The following GTF2IRD1 variants were observed in gnomAD, a reference collection of about 807,000 sequenced individuals.
The protein encoded by GTF2IRD1 is general transcription factor II-I repeat domain-containing protein 1.
GTF2IRD1 carries 26 observed loss-of-function variants against 113.2 expected under a neutral mutation model. That is an observed-to-expected ratio of 0.23 (90% confidence interval 0.17 to 0.32). The LOEUF is 0.32. Ranked by LOEUF, GTF2IRD1 falls within the 10% of genes least tolerant of loss-of-function variation. The pLI is 1.00. For missense variants in GTF2IRD1, 864 were observed against 1,280.8 expected (o/e 0.67, Z 4.97); for synonymous variants, 484 against 529.1 (o/e 0.91, Z 1.17).
intron 22 of GTF2IRD1, among the ~76,000 whole-genome samples, chr7:74,565,162 C>T (rs1554360310): frequency 1.3e-5 from 2 of 152,180 alleles, no homozygotes; most frequent in Non-Finnish European, 2.9e-5. Flanking sequence ...GGCTGAACGC[C>T]ATTGGTAGCT....
intron 24 of GTF2IRD1, among the ~76,000 whole-genome samples, chr7:74,593,444 A>C (rs1436457039): frequency 2.7e-5 from 4 of 149,698 alleles, no homozygotes; most frequent in Non-Finnish European, 5.9e-5. Context: ...AAAAAGATAC[A>C]AAAATTGGGC....
At chr7:74,571,907 C>T (rs1440304331) in intron 22 of GTF2IRD1, among the ~76,000 whole-genome samples, 1 of 152,108 alleles carries the variant, frequency 6.6e-6, no homozygotes, top group Non-Finnish European at 1.5e-5. Context: ...TCCACTTACA[C>T]TCACCTCTCA....
intron 1 of GTF2IRD1, among the ~76,000 whole-genome samples, chr7:74,465,756 G>C (rs999645935): frequency 6.6e-6 from 1 of 151,964 alleles, no homozygotes; most frequent in Non-Finnish European, 1.5e-5. Flanking sequence ...GGGGTGTGGG[G>C]TGTGGCATGC....
chr7:74,600,475 G>A (rs1195080253), intron 25 of GTF2IRD1, among the ~76,000 whole-genome samples: 3 of 152,064 alleles, frequency 2.0e-5, no homozygotes, highest in African/African-American at 7.2e-5. Flanking sequence ...TTGGGAGGCC[G>A]AGGTGGATGG....
chr7:74,557,714 A>G lies in GTF2IRD1; in HGVS notation c.2099A>G (p.Lys700Arg), dbSNP rs782026215. ...GAGCAGGTCCAGGACCTTTTCAATA[A>G]GAAATACGGTAAGCAGTGCAGAACC... ...LREQVQDLFNKKYGEALGIKY... is the reference protein window; with the variant it reads ...LREQVQDLFNRKYGEALGIKY... Residue 700 changes from lysine (K) to arginine (R), a missense_variant, in exon 20 of 27, where the codon AAG becomes AGG. Lys to Arg is a conservative substitution (Grantham distance 26). This residue lies in a region of GTF2IRD1 where 195 missense variants were observed against 359.1 expected (regional missense o/e 0.54). Coordinates refer to ENST00000424337, the MANE Select transcript of GTF2IRD1 (RefSeq NM_005685.4). The G allele has an allele frequency of 3.7e-6, 6 of 1,605,028 alleles. No individual in the cohort carries two copies. The East Asian group carries it at 1.1e-4, about 30-fold the overall frequency.
intron 9 of GTF2IRD1, among the ~76,000 whole-genome samples, chr7:74,533,831 C>A (rs1554349535): frequency 6.6e-6 from 1 of 151,982 alleles, no homozygotes; most frequent in African/African-American, 2.4e-5. Flanking sequence ...GTCAGGAGTT[C>A]AATGTGGACA....
chr7:74,508,273 C>G, intron 2 of GTF2IRD1, 70 bp downstream of exon 2: 1 of 1,508,478 alleles, frequency 6.6e-7, no homozygotes, highest in Non-Finnish European at 9.0e-7. Context: ...AGCTCAAGTC[C>G]TACCTCAGCT....
intron 19 of GTF2IRD1, 112 bp from the exon 20 acceptor site, chr7:74,557,527 C>T (rs587603426): frequency 2.9e-6 from 2 of 685,514 alleles, no homozygotes; most frequent in East Asian, 5.5e-5. Context: ...TCCAAAGATC[C>T]TTTAATTGCC....
intron 22 of GTF2IRD1, chr7:74,571,026 C>G (rs1800667359): frequency 1.4e-5 from 12 of 885,578 alleles, no homozygotes; most frequent in Non-Finnish European, 1.6e-5. Flanking sequence ...GCTTCCGCTC[C>G]TTTTAGTTCT....
intron 1 of GTF2IRD1, among the ~76,000 whole-genome samples, chr7:74,502,084 C>A (rs1554339672): frequency 6.6e-6 from 1 of 152,116 alleles, no homozygotes; most frequent in African/African-American, 2.4e-5. Context: ...GTAGCTGGCG[C>A]CACAGGCATA....
intron 22 of GTF2IRD1, among the ~76,000 whole-genome samples, chr7:74,589,266 G>A (rs1271365275): frequency 6.6e-6 from 1 of 152,100 alleles, no homozygotes; most frequent in East Asian, 1.9e-4. Flanking sequence ...TGAGGTGGGA[G>A]GATCACTTGA....
intron 19 of GTF2IRD1, 70 bp from the exon 20 acceptor site, chr7:74,557,569 T>C (rs587732141): frequency 3.9e-6 from 4 of 1,027,244 alleles, no homozygotes; most frequent in Non-Finnish European, 5.9e-6. Flanking sequence ...TAGAAAATCA[T>C]CTTCCTTAAA....
chr7:74,589,159 C>T (rs1801903040), intron 22 of GTF2IRD1, among the ~76,000 whole-genome samples: 1 of 152,122 alleles, frequency 6.6e-6, no homozygotes, highest in Non-Finnish European at 1.5e-5. Context: ...AAGAGGATCA[C>T]TTCAGCCTGG....
At chr7:74,558,672 T>C (rs587658463) in intron 20 of GTF2IRD1, among the ~76,000 whole-genome samples, 189 bp from the exon 21 acceptor site, 1 of 152,238 alleles carries the variant, frequency 6.6e-6, no homozygotes, top group South Asian at 2.1e-4. Context: ...GCCTTTTTTT[T>C]ATGTTCTGAT....
At chr7:74,465,736 C>T (rs765691869) in intron 1 of GTF2IRD1, among the ~76,000 whole-genome samples, 25 of 151,986 alleles carry the variant, frequency 1.6e-4, no homozygotes, top group Non-Finnish European at 2.9e-4. Flanking sequence ...CCCCTCTGTC[C>T]GTGGGGTGTG....
chr7:74,577,961 C>T lies in GTF2IRD1; in HGVS notation c.2321-11890C>T, dbSNP rs149816299. ...TAGCTGGGACTATAGCTGGGTGCCA[C>T]TGTACCAGCTACTTTTAAATTTTTT... is the stretch of plus-strand genomic sequence containing the variant. On this transcript the variant is annotated intron_variant, in intron 22 of 26. Transcript: ENST00000424337. Among the ~76,000 whole-genome samples, 75 of 152,216 alleles carry T rather than the reference C, an allele frequency of 4.9e-4. 1 individual carries two copies. In the East Asian group the frequency reaches 0.014, roughly 29 times the overall value.
intron 1 of GTF2IRD1, among the ~76,000 whole-genome samples, chr7:74,500,589 A>ATG (rs72168391): frequency 4.1e-4 from 62 of 150,674 alleles, no homozygotes; most frequent in Admixed American, 3.2e-3. Context: ...TTGTTCGTGT[A>ATG]TGTGTGTGTG....
intron 1 of GTF2IRD1, among the ~76,000 whole-genome samples, chr7:74,500,680 A>T (rs1176694433): frequency 6.6e-6 from 1 of 152,064 alleles, no homozygotes; most frequent in African/African-American, 2.4e-5. Context: ...CACCCGTCGC[A>T]TTTGCATGCT....
chr7:74,596,145 T>C (rs1287393847), intron 25 of GTF2IRD1: 1 of 151,918 alleles, frequency 6.6e-6, no homozygotes, highest in Non-Finnish European at 1.5e-5. Flanking sequence ...GCCAACATGG[T>C]GAAACCCCAT....
Sources: allele counts gnomAD v4.1 joint callset (sites outside exome capture counted in the v4.1 genomes callset), GRCh38; gene constraint gnomAD v4.1.1; regional missense constraint gnomAD v4.1.1; transcripts MANE v1.5; gene names NCBI Gene and HGNC (gene_info 2026-07-23, HGNC 2026-07-21).